Variants in SHISAL1 observed in about 807,000 individuals in gnomAD.
SHISAL1 encodes shisa like 1.
In SHISAL1, 9 loss-of-function variants were observed where a neutral mutation model predicts 22.6. That is an observed-to-expected ratio of 0.40 (90% CI 0.24 to 0.70). The LOEUF (loss-of-function observed/expected upper bound fraction) is 0.70. Ranked by LOEUF, SHISAL1 falls within the 30% of genes least tolerant of loss-of-function variation. SHISAL1 has a pLI of 0.39. For missense variants in SHISAL1, 246 were observed against 270.6 expected, an observed-to-expected ratio of 0.91 and a Z score of 0.64; for synonymous variants, 119 against 115.4, an observed-to-expected ratio of 1.03 and a Z score of -0.20.
At chr22:44,331,347 G>A in the SHISAL1 span, among the ~76,000 whole-genome samples, 1 of 119,696 alleles carries the variant, frequency 8.4e-6, no homozygotes, top group African/African-American at 3.2e-5. The surrounding 1 kb of genome is among the most constrained non-coding windows in gnomAD (Gnocchi z 5.2). Flanking sequence ...CCGGAGCCCC[G>A]CGCCGCAGAC....
chr22:44,326,791 C>T, the SHISAL1 span, among the ~76,000 whole-genome samples: 1 of 151,998 alleles, frequency 6.6e-6, no homozygotes, highest in Non-Finnish European at 1.5e-5. Flanking sequence ...GGACTGGAGG[C>T]ATTTACATTT....
intron 2 of SHISAL1, among the ~76,000 whole-genome samples, 163 bp from the exon 3 acceptor site, chr22:44,297,048 C>A (rs745677377): frequency 2.0e-5 from 3 of 152,182 alleles, no homozygotes; most frequent in Non-Finnish European, 4.4e-5. Context: ...CCCATTACCC[C>A]GAGCCTCCCA....
chr22:44,299,063 C>A (rs1024003343), intron 2 of SHISAL1, among the ~76,000 whole-genome samples: 1 of 152,296 alleles, frequency 6.6e-6, no homozygotes. Context: ...CTCCCAGGAG[C>A]GTTTTGTAAA....
At chr22:44,257,368 C>G (rs1333251228) in intron 4 of SHISAL1, among the ~76,000 whole-genome samples, 3 of 152,182 alleles carry the variant, frequency 2.0e-5, no homozygotes, top group African/African-American at 7.2e-5. Context: ...ACACAGAGAC[C>G]AATCAGGCTC....
intron 4 of SHISAL1, among the ~76,000 whole-genome samples, chr22:44,259,089 C>T (rs1402785804): frequency 2.0e-5 from 3 of 152,158 alleles, no homozygotes; most frequent in Non-Finnish European, 4.4e-5. Flanking sequence ...GAAGTGCATC[C>T]TCACCCGCCC....
At position 44,301,000 on chromosome 22, in the gene SHISAL1, G is replaced by T. The variant is rs1355857148; in HGVS notation, c.-32-23C>A. ...TGCCTGTTCAATGAGAGCCACGAGA[G>T]GCTGGGTGTGGGCTGTCTCGCCTGA... On this transcript the variant is annotated intron_variant, in intron 1 of 4. Coordinates refer to ENST00000381176, the MANE Select transcript of SHISAL1 (RefSeq NM_001099294.2). 1.2e-5 allele frequency: 18 copies of T among 1,536,694 alleles called. No homozygotes were observed. In the South Asian group the frequency reaches 1.8e-4, roughly 15 times the overall value.
chr22:44,310,281 G>T lies in SHISAL1; in HGVS notation c.-33+2470C>A, dbSNP rs1014222955. On this transcript the variant is annotated intron_variant, in intron 1 of 4. Transcript: ENST00000381176. The surrounding 1 kb of genome is among the most constrained non-coding windows in gnomAD (Gnocchi z 4.0). ...ATAAACATGTGTTAATTGGTTGAATGAACATAAGCAATGATCATCTCCATT... is the reference window on the plus strand; with the variant it reads ...ATAAACATGTGTTAATTGGTTGAATTAACATAAGCAATGATCATCTCCATT... Among the ~76,000 whole-genome samples, 1 of 152,252 alleles carries T rather than the reference G, an allele frequency of 6.6e-6. No homozygotes were observed. Among genetic ancestry groups the T allele is most frequent in the African/African-American group, 2.4e-5 (1 of 41,460 alleles).
intron 4 of SHISAL1, among the ~76,000 whole-genome samples, chr22:44,273,107 CA>C (rs1022714692): frequency 6.8e-6 from 1 of 148,012 alleles, no homozygotes; most frequent in African/African-American, 2.5e-5. Context: ...AAAAAAAAAA[CA>C]AAAAAAACCA....
chr22:44,301,740 T>C (rs2055430912), intron 1 of SHISAL1, among the ~76,000 whole-genome samples: 1 of 152,156 alleles, frequency 6.6e-6, no homozygotes, highest in Non-Finnish European at 1.5e-5. Context: ...AGGGAAACTA[T>C]GATACATGCT....
intron 1 of SHISAL1, among the ~76,000 whole-genome samples, chr22:44,307,293 T>C (rs753939508): frequency 2.0e-4 from 30 of 152,118 alleles, no homozygotes; most frequent in Non-Finnish European, 2.6e-4. Context: ...CACTGCACTG[T>C]CTCAGGTGAC....
At chr22:44,271,052 G>A (rs1478322965) in intron 4 of SHISAL1, among the ~76,000 whole-genome samples, 2 of 152,108 alleles carry the variant, frequency 1.3e-5, no homozygotes, top group African/African-American at 2.4e-5. Context: ...ATAGATTTTG[G>A]GGGTTCTTCC....
At chr22:44,275,070 G>C (rs2055230354) in intron 4 of SHISAL1, among the ~76,000 whole-genome samples, 2 of 152,368 alleles carry the variant, frequency 1.3e-5, no homozygotes, top group Non-Finnish European at 1.5e-5. Context: ...GGGTTTGCTA[G>C]AGTACAGCTA....
intron 4 of SHISAL1, among the ~76,000 whole-genome samples, chr22:44,255,637 T>C (rs566185310): frequency 1.3e-5 from 2 of 152,338 alleles, no homozygotes; most frequent in African/African-American, 4.8e-5. Context: ...TCAGCGCTGG[T>C]CAGCCCCTTC....
At chr22:44,253,313 C>T (rs995387992) in intron 4 of SHISAL1, among the ~76,000 whole-genome samples, 5 of 151,976 alleles carry the variant, frequency 3.3e-5, no homozygotes, top group African/African-American at 7.2e-5. Flanking sequence ...TGAGAGTCAC[C>T]ATGAAGATCT....
Position 44,266,528 on chromosome 22 carries a change from A to ATGTGTGTGTG in SHISAL1, c.*-16853_*-16844dup, listed in dbSNP as rs11473448. ...ATGTGTGTGTTGGGGGCTTTGGGGT[A>ATGTGTGTGTG]TGTGTGTGTGTGTGTGTGTGTGTGT... On this transcript the variant is annotated intron_variant, in intron 4 of 4. Transcript: ENST00000381176. 2.1e-3 allele frequency among the ~76,000 whole-genome samples: 225 copies of ATGTGTGTGTG among 108,398 alleles called. 1 individual carries two copies. Among genetic ancestry groups the ATGTGTGTGTG allele is most frequent in the African/African-American group, 3.2e-3 (85 of 26,398 alleles). 71.1% of individuals were successfully genotyped at this position (108,398 alleles called of 152,430 possible).
chr22:44,264,748 C>T (rs1173889064), intron 4 of SHISAL1, among the ~76,000 whole-genome samples: 2 of 151,834 alleles, frequency 1.3e-5, no homozygotes, highest in Non-Finnish European at 2.9e-5. Context: ...AATTCACAAG[C>T]CGTGTGATCT....
At chr22:44,326,710 G>A in the SHISAL1 span, among the ~76,000 whole-genome samples, 2 of 152,140 alleles carry the variant, frequency 1.3e-5, no homozygotes, top group Non-Finnish European at 2.9e-5. Context: ...GATGGGAGGG[G>A]AAGGAGAGCA....
At chr22:44,255,438 G>C (rs1456967442) in intron 4 of SHISAL1, among the ~76,000 whole-genome samples, 1 of 152,140 alleles carries the variant, frequency 6.6e-6, no homozygotes, top group Non-Finnish European at 1.5e-5. Context: ...CATCCTGCCA[G>C]TTGCTCTCCT....
chr22:44,313,117 A>C (rs1329908509), upstream of SHISAL1, among the ~76,000 whole-genome samples: 1 of 152,212 alleles, frequency 6.6e-6, no homozygotes, highest in African/African-American at 2.4e-5. Flanking sequence ...GCATCCTCAG[A>C]GCACCAGCAA....
Sources: gnomAD v4.1 joint callset for allele counts (sites outside exome capture counted in the v4.1 genomes callset) on GRCh38, gnomAD v4.1.1 for gene constraint, Gnocchi (gnomAD v3.1) non-coding constraint, MANE v1.5 for transcripts, NCBI Gene and HGNC (gene_info 2026-07-23, HGNC 2026-07-21) for gene names.